Variants in TMOD1 observed in about 807,000 individuals in gnomAD.
TMOD1 encodes tropomodulin-1.
TMOD1 carries 17 observed loss-of-function variants against 40.6 expected under a neutral mutation model. The ratio of observed to expected loss-of-function variants is 0.42; its 90% CI spans 0.29 to 0.63. The LOEUF (loss-of-function observed/expected upper bound fraction) is 0.63. Ranked by LOEUF, TMOD1 falls within the 20% of genes least tolerant of loss-of-function variation. The probability of loss-of-function intolerance (pLI) is 0.22; values close to 1 mark genes in which losing one functional copy is unlikely to be tolerated. For missense variants in TMOD1, 391 were observed against 447.6 expected, an observed-to-expected ratio of 0.87 and a Z score of 1.14; for synonymous variants, 181 against 175.0, an observed-to-expected ratio of 1.03 and a Z score of -0.27.
At chr9:97,542,627 T>C (rs1587931439) in intron 2 of TMOD1, among the ~76,000 whole-genome samples, 3 of 152,004 alleles carry the variant, frequency 2.0e-5, no homozygotes, top group Admixed American at 2.0e-4. Flanking sequence ...CCGAGGCTGG[T>C]GGATCACCTG....
At chr9:97,532,127 C>T (rs909022331) in intron 2 of TMOD1, among the ~76,000 whole-genome samples, 4 of 152,226 alleles carry the variant, frequency 2.6e-5, no homozygotes, top group African/African-American at 4.8e-5. Flanking sequence ...CCGGCAGAAT[C>T]GCAAGCCCAG....
At position 97,519,167 on chromosome 9, in the gene TMOD1, A is replaced by C. The variant is rs373254200; in HGVS notation, c.-48-4974A>C. ...AAGTGACTGGACCGGCTGCCCGTGA[A>C]AGATTTAAAAGAGCCTTGTGTACTC... On this transcript the variant is annotated intron_variant, in intron 1 of 9. Transcript: ENST00000259365. 1.2e-4 allele frequency among the ~76,000 whole-genome samples: 19 copies of C among 152,306 alleles called. 1 individual carries two copies. The South Asian group carries it at 2.5e-3, about 20-fold the overall frequency.
intron 2 of TMOD1, among the ~76,000 whole-genome samples, chr9:97,534,445 C>A (rs1376075245): frequency 6.6e-6 from 1 of 152,196 alleles, no homozygotes; most frequent in Non-Finnish European, 1.5e-5. Flanking sequence ...CGACAGTGAA[C>A]CTTGGTCTCA....
At chr9:97,583,984 T>C (rs1825813018) in intron 8 of TMOD1, among the ~76,000 whole-genome samples, 1 of 152,162 alleles carries the variant, frequency 6.6e-6, no homozygotes, top group Non-Finnish European at 1.5e-5. Flanking sequence ...TGAAGGGTTT[T>C]TTTTGTCTCT....
chr9:97,580,529 C>T (rs891000793), intron 8 of TMOD1, among the ~76,000 whole-genome samples: 1 of 151,970 alleles, frequency 6.6e-6, no homozygotes, highest in Non-Finnish European at 1.5e-5. Flanking sequence ...TCACTTGAAC[C>T]TGGGAGGCAG....
chr9:97,582,334 G>T (rs1169261662), intron 8 of TMOD1, among the ~76,000 whole-genome samples: 12 of 142,920 alleles, frequency 8.4e-5, no homozygotes, highest in Non-Finnish European at 1.8e-4. Context: ...ATTTCTGAGG[G>T]CTCTGTTCTG....
chr9:97,601,303 G>A lies in TMOD1; in HGVS notation c.*1605G>A. On this transcript the variant is annotated 3_prime_UTR_variant, in exon 10 of 10. Coordinates refer to ENST00000259365, the MANE Select transcript of TMOD1 (RefSeq NM_003275.4). ...ACCTGTGTGACAGGGACATGTGCCT[G>A]GCACACTGGCCAGAAGACTGGGCAG... The A allele has an allele frequency of 8.5e-7, 1 of 1,174,390 alleles. No individual in the cohort carries two copies. Among genetic ancestry groups the A allele is most frequent in the Non-Finnish European group, 1.1e-6 (1 of 928,990 alleles). 72.7% of individuals were successfully genotyped at this position (1,174,390 alleles called of 1,614,324 possible).
At position 97,541,268 on chromosome 9, in the gene TMOD1, A is replaced by G. The variant is rs189292201; in HGVS notation, c.121-4917A>G. 4.8e-3 allele frequency among the ~76,000 whole-genome samples: 738 copies of G among 152,244 alleles called. 9 individuals are homozygous for G. The highest frequency in any genetic ancestry group is 4.3e-3 in the Non-Finnish European group (293 of 68,010). Reference sequence around the variant, plus strand: ...ATTGGCACAATCTCAGCTCACTGCAATCTCTGCCTCCTAAGTTCAAAGGAT... The same window carrying G: ...ATTGGCACAATCTCAGCTCACTGCAGTCTCTGCCTCCTAAGTTCAAAGGAT... On this transcript the variant is annotated intron_variant, in intron 2 of 9. Coordinates refer to ENST00000259365, the MANE Select transcript of TMOD1 (RefSeq NM_003275.4).
At chr9:97,582,214 A>G (rs1315186762) in intron 8 of TMOD1, among the ~76,000 whole-genome samples, 1 of 150,166 alleles carries the variant, frequency 6.7e-6, no homozygotes, top group African/African-American at 2.4e-5. Flanking sequence ...AGCTTTCTAC[A>G]TATGGCTAGC....
intron 8 of TMOD1, among the ~76,000 whole-genome samples, chr9:97,569,395 T>G (rs1830785229): frequency 1.3e-5 from 2 of 152,218 alleles, no homozygotes; most frequent in Admixed American, 1.3e-4. Context: ...TCTGCTTCAC[T>G]CAGGACATCT....
intron 1 of TMOD1, among the ~76,000 whole-genome samples, chr9:97,522,076 G>A (rs373700762): frequency 8.5e-5 from 13 of 152,164 alleles, no homozygotes; most frequent in Admixed American, 3.3e-4. Flanking sequence ...GTCTAAATAC[G>A]TACGTTGCTG....
In TMOD1 at chr9:97,600,122, T is replaced by G; in HGVS notation, c.*424T>G. ...AAAACACTTTATTACAAATTTGTCT[T>G]AGCTATTAGCAAATAAAACTGATTA... On this transcript the variant is annotated 3_prime_UTR_variant, in exon 10 of 10. Coordinates refer to ENST00000259365, the MANE Select transcript of TMOD1 (RefSeq NM_003275.4). 1 of 1,004,626 alleles carries G rather than the reference T, an allele frequency of 1.0e-6. No homozygotes were observed. Among genetic ancestry groups the G allele is most frequent in the South Asian group, 4.3e-5 (1 of 23,524 alleles). The allele number at this position is 1,004,626 out of a possible 1,614,324, so 62.2% of individuals were successfully genotyped here.
chr9:97,536,131 G>T (rs767467372), intron 2 of TMOD1, among the ~76,000 whole-genome samples: 1 of 152,216 alleles, frequency 6.6e-6, no homozygotes, highest in Non-Finnish European at 1.5e-5. Flanking sequence ...TCTGGAAGCT[G>T]CTGGACAGTA....
chr9:97,555,678 C>T (rs550521665), intron 4 of TMOD1: 58 of 1,551,148 alleles, frequency 3.7e-5, no homozygotes, highest in Non-Finnish European at 4.9e-5. Context: ...AGGGACTGAA[C>T]ACTTTTGACC....
In TMOD1 at chr9:97,600,797, T is replaced by C. The variant is rs1401687927; in HGVS notation, c.*1099T>C. 9.3e-7 allele frequency: 1 copy of C among 1,074,194 alleles called. No homozygotes were observed. The highest frequency in any genetic ancestry group is 1.1e-6 in the Non-Finnish European group (1 of 880,770). The allele number at this position is 1,074,194 out of a possible 1,614,324, so 66.5% of individuals were successfully genotyped here. ...TGATTACACTGAAATGTAGTATTAG[T>C]ACTGCTGCCAGATCTCTTTTTAACA... On this transcript the variant is annotated 3_prime_UTR_variant, in exon 10 of 10. Coordinates refer to ENST00000259365, the MANE Select transcript of TMOD1 (RefSeq NM_003275.4).
chr9:97,553,214 G>A, intron 3 of TMOD1, 67 bp from the exon 4 acceptor site: 1 of 1,607,500 alleles, frequency 6.2e-7, no homozygotes, highest in South Asian at 1.1e-5. Flanking sequence ...TCCACGCAGG[G>A]CTGTGGGTCC....
Position 97,600,788 on chromosome 9 carries a change from T to C in TMOD1, c.*1090T>C, listed in dbSNP as rs572076572. 3 of 1,022,528 alleles carry C rather than the reference T, an allele frequency of 2.9e-6. No homozygotes were observed. The highest frequency in any genetic ancestry group is 3.5e-5 in the African/African-American group (2 of 57,898). 63.3% of individuals were successfully genotyped at this position (1,022,528 alleles called of 1,614,324 possible). On this transcript the variant is annotated 3_prime_UTR_variant, in exon 10 of 10. Coordinates refer to ENST00000259365, the MANE Select transcript of TMOD1 (RefSeq NM_003275.4). Reference sequence around the variant, plus strand: ...ACCCCAAGATGATTACACTGAAATGTAGTATTAGTACTGCTGCCAGATCTC... The same window carrying C: ...ACCCCAAGATGATTACACTGAAATGCAGTATTAGTACTGCTGCCAGATCTC...
At chr9:97,578,280 C>T (rs906452316) in intron 8 of TMOD1, among the ~76,000 whole-genome samples, 1 of 152,184 alleles carries the variant, frequency 6.6e-6, no homozygotes, top group Non-Finnish European at 1.5e-5. Context: ...GTCTCGATCT[C>T]CTGACCTCGT....
chr9:97,598,685 C>T (rs1249421348), intron 9 of TMOD1, among the ~76,000 whole-genome samples: 1 of 152,198 alleles, frequency 6.6e-6, no homozygotes, highest in Admixed American at 6.5e-5. Context: ...TGTGGGTCTG[C>T]TTTGTATGGC....
Sources: allele counts gnomAD v4.1 joint callset (sites outside exome capture counted in the v4.1 genomes callset), GRCh38; gene constraint gnomAD v4.1.1; transcripts MANE v1.5; gene names NCBI Gene and HGNC (gene_info 2026-07-23, HGNC 2026-07-21).